Variants in AATF observed in about 807,000 individuals in gnomAD.
AATF encodes the protein protein AATF.
A neutral mutation model predicts 63.7 loss-of-function variants in AATF; 48 were observed. The observed-to-expected ratio is 0.75, with a 90% confidence interval of 0.60 to 0.96. The LOEUF is 0.96. Among genes scored for constraint, AATF ranks in the 40% least tolerant of loss-of-function variants. AATF has a pLI of 0.00. For synonymous variants in AATF, 258 were observed against 247.7 expected (o/e 1.04, Z -0.39); for missense variants, 639 against 685.7 (o/e 0.93, Z 0.76).
intron 11 of AATF, among the ~76,000 whole-genome samples, chr17:37,051,800 A>G (rs2071754233): frequency 4.6e-5 from 7 of 152,070 alleles, no homozygotes; most frequent in Admixed American, 4.6e-4. Context: ...AGGTTTTAAG[A>G]TAATATAGTA....
intron 11 of AATF, among the ~76,000 whole-genome samples, chr17:37,044,837 G>A (rs546978116): frequency 6.6e-6 from 1 of 152,204 alleles, no homozygotes; most frequent in East Asian, 1.9e-4. Flanking sequence ...TTAGATTTCG[G>A]AGCATTTCAG....
intron 8 of AATF, among the ~76,000 whole-genome samples, chr17:36,994,271 A>G (rs936477321): frequency 1.3e-5 from 2 of 152,198 alleles, no homozygotes; most frequent in African/African-American, 4.8e-5. Flanking sequence ...AAGAGATTTC[A>G]CTGTAGTATT....
chr17:36,984,901 G>GTT (rs34905004), intron 4 of AATF, among the ~76,000 whole-genome samples: 93 of 130,042 alleles, frequency 7.2e-4, no homozygotes, highest in Non-Finnish European at 9.2e-4. Flanking sequence ...GCCTCCCACA[G>GTT]TTTTTTTTTT....
At position 36,953,351 on chromosome 17, in the gene AATF, A is replaced by G. The variant is rs1029712653; in HGVS notation, c.694+55A>G. ...TTTTCAAAGTATCTGCATTTGGTCT[A>G]CTTTTCATTTGTTTGTTTTTGGCTA... On this transcript the variant is annotated intron_variant, in intron 3 of 11. Coordinates refer to ENST00000619387, the MANE Select transcript of AATF (RefSeq NM_012138.4). The G allele has an allele frequency of 6.4e-6, 10 of 1,566,768 alleles. No individual in the cohort carries two copies. The Admixed American group carries it at 9.3e-5, about 15-fold the overall frequency.
At chr17:36,993,670 A>T (rs2071232408) in intron 8 of AATF, among the ~76,000 whole-genome samples, 1 of 152,160 alleles carries the variant, frequency 6.6e-6, no homozygotes, top group South Asian at 2.1e-4. Flanking sequence ...TAACATGGTC[A>T]TATGGAAGAG....
intron 7 of AATF, 61 bp from the exon 8 acceptor site, chr17:36,990,713 A>G: frequency 1.0e-6 from 1 of 965,768 alleles, no homozygotes; most frequent in East Asian, 2.7e-5. Flanking sequence ...TATTTATAGT[A>G]GCTACATTAG....
chr17:36,965,550 T>G (rs2070984759), intron 4 of AATF, among the ~76,000 whole-genome samples: 1 of 152,196 alleles, frequency 6.6e-6, no homozygotes, highest in South Asian at 2.1e-4. Flanking sequence ...TGTAGATATC[T>G]TTGGGGGACC....
At chr17:37,040,526 G>C (rs2071628568) in intron 11 of AATF, among the ~76,000 whole-genome samples, 1 of 152,084 alleles carries the variant, frequency 6.6e-6, no homozygotes, top group African/African-American at 2.4e-5. Context: ...CTAAGGCATG[G>C]AACAATTAAA....
intron 4 of AATF, among the ~76,000 whole-genome samples, chr17:36,980,601 T>G (rs2071115032): frequency 6.6e-6 from 1 of 152,248 alleles, no homozygotes; most frequent in Non-Finnish European, 1.5e-5. Context: ...AATTCAGTCC[T>G]GTATGAATAA....
intron 8 of AATF, among the ~76,000 whole-genome samples, chr17:37,010,226 G>A (rs138399341): frequency 0.024 from 3,608 of 152,180 alleles, 60 homozygotes; most frequent in Non-Finnish European, 0.033. Context: ...AGGCTGAGGC[G>A]GGCGGATCAC....
chr17:36,959,191 C>T (rs2070926515), intron 4 of AATF, among the ~76,000 whole-genome samples: 1 of 151,850 alleles, frequency 6.6e-6, no homozygotes, highest in South Asian at 2.1e-4. Context: ...TGCCTGTAAT[C>T]CCAGCACTTT....
At chr17:37,042,217 G>A (rs2071646317) in intron 11 of AATF, among the ~76,000 whole-genome samples, 1 of 151,758 alleles carries the variant, frequency 6.6e-6, no homozygotes, top group African/African-American at 2.4e-5. Flanking sequence ...CCTTTTTGTG[G>A]GGGGTGTTTT....
rs1249345963 is a variant in AATF, at chr17:37,008,851, A to C, written c.1399-10154A>C. ...CGACAAAGCAAGGGCCTGTCTCTAA[A>C]ACCACACACACTGTAACTGAAATTA... On this transcript the variant is annotated intron_variant, in intron 8 of 11. Coordinates refer to ENST00000619387, the MANE Select transcript of AATF (RefSeq NM_012138.4). Among the ~76,000 whole-genome samples, 15 of 152,302 alleles carry C rather than the reference A, an allele frequency of 9.8e-5. 1 individual carries two copies. In the East Asian group the frequency reaches 2.7e-3, roughly 27 times the overall value.
chr17:37,048,817 G>A (rs904008328), intron 11 of AATF, among the ~76,000 whole-genome samples: 5 of 152,324 alleles, frequency 3.3e-5, no homozygotes, highest in African/African-American at 7.2e-5. Flanking sequence ...AGGTCATAGA[G>A]ACACTTCTCA....
Position 36,997,240 on chromosome 17 carries a change from CAT to C in AATF, c.1398+6386_1398+6387del, listed in dbSNP as rs531768857. 1.6e-4 allele frequency among the ~76,000 whole-genome samples: 24 copies of C among 152,256 alleles called. No individual in the cohort carries two copies. The East Asian group carries it at 4.2e-3, about 27-fold the overall frequency. On this transcript the variant is annotated intron_variant, in intron 8 of 11. Transcript: ENST00000619387. ...TAATGTGTTGCTCCTTTAAAAGTAA[CAT>C]ATCGGAAAAATGATTTAGCAAAGAA...
chr17:36,952,304 G>A (rs2070861464), intron 2 of AATF, among the ~76,000 whole-genome samples: 1 of 152,108 alleles, frequency 6.6e-6, no homozygotes, highest in Non-Finnish European at 1.5e-5. Context: ...ATAATTATTG[G>A]CATGCATATC....
At chr17:36,998,803 T>A (rs1173901248) in intron 8 of AATF, 1 of 152,176 alleles carries the variant, frequency 6.6e-6, no homozygotes, top group African/African-American at 2.4e-5. Context: ...GCCCAAAGAA[T>A]TTGTGTTACC....
At chr17:36,951,743 TTAAA>T (rs1386793840) in intron 2 of AATF, among the ~76,000 whole-genome samples, 3 of 152,176 alleles carry the variant, frequency 2.0e-5, no homozygotes, top group East Asian at 1.9e-4. Flanking sequence ...TTCAAAGAAT[TTAAA>T]TAATAATTTC....
Position 36,968,266 on chromosome 17 carries a change from C to CTTTTT in AATF, c.832+14362_832+14363insTTTTT, listed in dbSNP as rs2071009164. Among the ~76,000 whole-genome samples the CTTTTT allele has an allele frequency of 1.1e-3, 81 of 75,572 alleles. 13 individuals are homozygous for CTTTTT. The highest frequency in any genetic ancestry group is 4.2e-3 in the African/African-American group (78 of 18,492). The allele number at this position is 75,572 out of a possible 152,430, so 49.6% of individuals were successfully genotyped here. ...CTTTTTTCTTTTTCTTTCTTTCCTT[C>CTTTTT]TTTCTTTTTTTTTTTTTTTTTTTTT... On this transcript the variant is annotated intron_variant, in intron 4 of 11. Transcript: ENST00000619387.
Sources: allele counts gnomAD v4.1 joint callset (sites outside exome capture counted in the v4.1 genomes callset), GRCh38; gene constraint gnomAD v4.1.1; transcripts MANE v1.5; gene names NCBI Gene and HGNC (gene_info 2026-07-23, HGNC 2026-07-21).